The following CAB39L variants were observed in gnomAD, a reference collection of about 807,000 sequenced individuals.
CAB39L encodes the protein calcium binding protein 39 like, also known as calcium-binding protein 39-like.
A neutral mutation model predicts 39.1 loss-of-function variants in CAB39L; 23 were observed. That is an observed-to-expected ratio of 0.59 (90% CI 0.42 to 0.83). The LOEUF (loss-of-function observed/expected upper bound fraction) is 0.83, where lower values mean the gene tolerates loss of function less well. Ranked by LOEUF, CAB39L falls within the 40% of genes least tolerant of loss-of-function variation. The pLI is 0.00. For synonymous variants in CAB39L, 126 were observed against 137.2 expected, an observed-to-expected ratio of 0.92 and a Z score of 0.57; for missense variants, 366 against 391.9, an observed-to-expected ratio of 0.93 and a Z score of 0.56.
At chr13:49,404,082 G>A (rs532666298) in intron 3 of CAB39L, among the ~76,000 whole-genome samples, 7 of 152,184 alleles carry the variant, frequency 4.6e-5, no homozygotes, top group Non-Finnish European at 1.0e-4. Flanking sequence ...CCAGTACTGT[G>A]CTGGCTTCAC....
At chr13:49,312,459 C>T (rs1954023199) in intron 10 of CAB39L, among the ~76,000 whole-genome samples, 1 of 152,094 alleles carries the variant, frequency 6.6e-6, no homozygotes, top group Non-Finnish European at 1.5e-5. Flanking sequence ...ACCCAAATAC[C>T]ATTGGGTTAT....
chr13:49,427,590 G>C (rs1215739645), intron 3 of CAB39L, among the ~76,000 whole-genome samples: 1 of 151,694 alleles, frequency 6.6e-6, no homozygotes, highest in Non-Finnish European at 1.5e-5. Flanking sequence ...TTGGGAGACT[G>C]ATATGGGAAG....
At chr13:49,328,982 T>C (rs557890200) in intron 10 of CAB39L, among the ~76,000 whole-genome samples, 1 of 152,342 alleles carries the variant, frequency 6.6e-6, no homozygotes, top group South Asian at 2.1e-4. Context: ...CTAGAACTTA[T>C]TTCTGTGTAT....
chr13:49,421,175 T>A (rs1379270189), intron 3 of CAB39L, among the ~76,000 whole-genome samples: 1 of 152,040 alleles, frequency 6.6e-6, no homozygotes, highest in Non-Finnish European at 1.5e-5. Context: ...GAACACCAAG[T>A]GCAAAGAAAC....
At chr13:49,326,922 G>T (rs1490507650) in intron 10 of CAB39L, among the ~76,000 whole-genome samples, 4 of 152,162 alleles carry the variant, frequency 2.6e-5, no homozygotes, top group Admixed American at 6.5e-5. Context: ...GGAGCTGAAT[G>T]ATATGATACA....
At chr13:49,328,696 T>C (rs534067592) in intron 10 of CAB39L, among the ~76,000 whole-genome samples, 1 of 152,116 alleles carries the variant, frequency 6.6e-6, no homozygotes, top group African/African-American at 2.4e-5. Flanking sequence ...TAGTTGGGCA[T>C]GGTAAGGGCA....
intron 3 of CAB39L, among the ~76,000 whole-genome samples, chr13:49,410,077 A>C (rs1055158907): frequency 6.6e-6 from 1 of 152,196 alleles, no homozygotes; most frequent in Admixed American, 6.5e-5. Context: ...ATGCTTTTCC[A>C]CCAACTGCCC....
At chr13:49,349,155 T>C (rs1234693265) in intron 7 of CAB39L, among the ~76,000 whole-genome samples, 1 of 152,146 alleles carries the variant, frequency 6.6e-6, no homozygotes, top group Non-Finnish European at 1.5e-5. Flanking sequence ...TTTCCACCTC[T>C]GGAGAGCTAT....
chr13:49,341,254 CTTT>C (rs1362062658), intron 8 of CAB39L, among the ~76,000 whole-genome samples: 1 of 151,416 alleles, frequency 6.6e-6, no homozygotes, highest in Non-Finnish European at 1.5e-5. Flanking sequence ...TTTTCTTTTT[CTTT>C]TTCTTTTTTT....
At chr13:49,426,254 T>G (rs1032105249) in intron 3 of CAB39L, among the ~76,000 whole-genome samples, 1 of 152,190 alleles carries the variant, frequency 6.6e-6, no homozygotes, top group Non-Finnish European at 1.5e-5. Flanking sequence ...GAGGCCCTTT[T>G]ATGTGACTGA....
At chr13:49,356,095 T>C (rs1479400060) in intron 6 of CAB39L, among the ~76,000 whole-genome samples, 1 of 152,188 alleles carries the variant, frequency 6.6e-6, no homozygotes, top group Admixed American at 6.5e-5. Flanking sequence ...CAATGGATGG[T>C]AAAACAATTA....
chr13:49,442,819 A>C (rs1042177323), intron 1 of CAB39L, among the ~76,000 whole-genome samples: 156 of 141,026 alleles, frequency 1.1e-3, no homozygotes, highest in South Asian at 4.4e-3. Context: ...AAAAAAAAAA[A>C]CATCAATTAT....
intron 3 of CAB39L, among the ~76,000 whole-genome samples, chr13:49,405,778 G>A (rs1447101921): frequency 1.3e-5 from 2 of 149,332 alleles, no homozygotes; most frequent in African/African-American, 5.0e-5. Context: ...ACAGAGGGAG[G>A]GAGGGAGGGA....
In CAB39L at chr13:49,341,260, C is replaced by CT. The variant is rs200675554; in HGVS notation, c.625-1519dup. ...AATAGACAATTTTCTTTTTCTTTTT[C>CT]TTTTTTTTTTTGAGACCAAGTCTCG... On this transcript the variant is annotated intron_variant, in intron 8 of 10. Coordinates refer to ENST00000409308, the MANE Select transcript of CAB39L (RefSeq NM_001079670.3). Among the ~76,000 whole-genome samples, 1,061 of 146,392 alleles carry CT rather than the reference C, an allele frequency of 7.2e-3. 12 individuals carry two copies. Among genetic ancestry groups the CT allele is most frequent in the East Asian group, 0.039 (198 of 5,052 alleles).
At chr13:49,342,833 T>C (rs754042317) in intron 8 of CAB39L, among the ~76,000 whole-genome samples, 11 of 152,326 alleles carry the variant, frequency 7.2e-5, no homozygotes, top group Admixed American at 1.3e-4. Context: ...AAAAAGGATG[T>C]AAAATAGCTT....
intron 3 of CAB39L, among the ~76,000 whole-genome samples, chr13:49,424,932 G>T (rs1434904814): frequency 2.0e-5 from 3 of 152,058 alleles, no homozygotes; most frequent in Non-Finnish European, 2.9e-5. Flanking sequence ...ATGGTACTGA[G>T]TTCATTTCAC....
chr13:49,348,219 C>T (rs1955237483), intron 7 of CAB39L, among the ~76,000 whole-genome samples: 1 of 152,078 alleles, frequency 6.6e-6, no homozygotes, highest in Non-Finnish European at 1.5e-5. Flanking sequence ...TCTGATGTCT[C>T]GGGCAATTCA....
At chr13:49,407,751 G>T (rs949426012) in intron 3 of CAB39L, among the ~76,000 whole-genome samples, 4 of 150,906 alleles carry the variant, frequency 2.7e-5, no homozygotes, top group African/African-American at 9.7e-5. Context: ...TAAGGCCAAG[G>T]CCCAGTGGCT....
chr13:49,318,403 G>A, intron 10 of CAB39L, among the ~76,000 whole-genome samples: 1 of 147,080 alleles, frequency 6.8e-6, no homozygotes, highest in African/African-American at 2.5e-5. Context: ...AGAAGTTGAG[G>A]CTGCAGTGAG....
Sources: gnomAD v4.1 joint callset for allele counts (sites outside exome capture counted in the v4.1 genomes callset) on GRCh38, gnomAD v4.1.1 for gene constraint, MANE v1.5 for transcripts, NCBI Gene and HGNC (gene_info 2026-07-23, HGNC 2026-07-21) for gene names.